The following MNAT1 variants were observed in gnomAD, a reference collection of about 807,000 sequenced individuals.
MNAT1 encodes the protein CDK-activating kinase assembly factor MAT1.
MNAT1 carries 43 observed loss-of-function variants against 42.0 expected under a neutral mutation model. The observed-to-expected ratio is 1.02, with a 90% CI of 0.80 to 1.32. The LOEUF (loss-of-function observed/expected upper bound fraction) is 1.32, where lower values mean the gene tolerates loss of function less well. MNAT1 is among the 40% of genes most tolerant of loss of function. The pLI is 0.00. For missense variants in MNAT1, 306 were observed against 350.4 expected, an observed-to-expected ratio of 0.87 and a Z score of 1.01; for synonymous variants, 118 against 120.0, an observed-to-expected ratio of 0.98 and a Z score of 0.11.
intron 1 of MNAT1, among the ~76,000 whole-genome samples, chr14:60,773,832 T>C (rs1387210589): frequency 6.6e-6 from 1 of 152,248 alleles, no homozygotes; most frequent in Admixed American, 6.5e-5. Context: ...ACAGTAATGC[T>C]TCTGTTGTCT....
intron 7 of MNAT1, among the ~76,000 whole-genome samples, chr14:60,956,088 A>G (rs2036483193): frequency 6.6e-6 from 1 of 152,038 alleles, no homozygotes; most frequent in South Asian, 2.1e-4. Flanking sequence ...AAAGTGTAAT[A>G]TCAGGTTATT....
chr14:60,832,971 C>G (rs1392366846), intron 6 of MNAT1, among the ~76,000 whole-genome samples: 1 of 152,054 alleles, frequency 6.6e-6, no homozygotes, highest in African/African-American at 2.4e-5. Context: ...TGATTTGGCT[C>G]TCTGCTTGTC....
intron 7 of MNAT1, among the ~76,000 whole-genome samples, chr14:60,966,144 T>C (rs1279500207): frequency 6.6e-6 from 1 of 152,138 alleles, no homozygotes; most frequent in Admixed American, 6.5e-5. Flanking sequence ...TTTTTTTTTT[T>C]TAAACAGGGT....
At chr14:60,830,308 C>T (rs529318328) in intron 6 of MNAT1, among the ~76,000 whole-genome samples, 1 of 152,288 alleles carries the variant, frequency 6.6e-6, no homozygotes, top group Non-Finnish European at 1.5e-5. Flanking sequence ...TCAAAACACA[C>T]ATTCATTCTT....
chr14:60,772,789 G>A (rs1188203888), intron 1 of MNAT1, among the ~76,000 whole-genome samples: 2 of 151,896 alleles, frequency 1.3e-5, no homozygotes, highest in East Asian at 1.9e-4. Context: ...TAGTGAAAGA[G>A]GAAGAGTTCC....
rs2034747218 is a variant in MNAT1, at chr14:60,888,616, G to A, written c.809+8781G>A. 1.3e-5 allele frequency among the ~76,000 whole-genome samples: 2 copies of A among 150,658 alleles called. 1 individual carries two copies. The highest frequency in any genetic ancestry group is 4.2e-4 in the South Asian group (2 of 4,732). ...TGGCCAGGGCAATCAGGCAGGAGAA[G>A]GAAATAAAGGGCATTCAATTAGGAA... On this transcript the variant is annotated intron_variant, in intron 7 of 7. Transcript: ENST00000261245.
At chr14:60,859,992 A>C (rs1164085394) in intron 6 of MNAT1, among the ~76,000 whole-genome samples, 1 of 152,224 alleles carries the variant, frequency 6.6e-6, no homozygotes, top group African/African-American at 2.4e-5. Context: ...CTTAACTTTA[A>C]GAAAGATCAA....
chr14:60,870,467 C>T (rs976567120), intron 6 of MNAT1, among the ~76,000 whole-genome samples: 10 of 151,944 alleles, frequency 6.6e-5, no homozygotes, highest in African/African-American at 1.2e-4. Flanking sequence ...AGTTTTGTGC[C>T]GTACTTTTCA....
At chr14:60,837,286 G>A (rs2033418957) in intron 6 of MNAT1, among the ~76,000 whole-genome samples, 1 of 152,178 alleles carries the variant, frequency 6.6e-6, no homozygotes, top group African/African-American at 2.4e-5. Context: ...AGAAACTGCA[G>A]CTAGCTCAGT....
chr14:60,931,367 C>G (rs984469546), intron 7 of MNAT1, among the ~76,000 whole-genome samples: 3 of 152,152 alleles, frequency 2.0e-5, no homozygotes, highest in African/African-American at 7.2e-5. Flanking sequence ...TGCTTTCTCA[C>G]TACTCACTTT....
At chr14:60,823,334 G>T (rs960535195) in intron 6 of MNAT1, among the ~76,000 whole-genome samples, 2 of 152,074 alleles carry the variant, frequency 1.3e-5, no homozygotes, top group South Asian at 2.1e-4. Flanking sequence ...TTGGGGAGGG[G>T]GAATGTGTTG....
intron 1 of MNAT1, among the ~76,000 whole-genome samples, chr14:60,767,573 GT>G (rs946710206): frequency 3.4e-5 from 5 of 148,660 alleles, no homozygotes; most frequent in East Asian, 3.9e-4. Context: ...GAACAGTTCA[GT>G]TTTTTTTTTA....
chr14:60,742,088 A>AT lies in MNAT1; in HGVS notation c.89+7146dup, dbSNP rs1011638569. ...AGCTTTTTATTTTTTATTTATTTTT[A>AT]TTTTTTTTTAAATAAGAGACAGGAT... On this transcript the variant is annotated intron_variant, in intron 1 of 7. Coordinates refer to ENST00000261245, the MANE Select transcript of MNAT1 (RefSeq NM_002431.4). Among the ~76,000 whole-genome samples the AT allele has an allele frequency of 2.7e-4, 40 of 149,240 alleles. No homozygotes were observed. In the East Asian group the frequency reaches 5.1e-3, roughly 19 times the overall value.
chr14:60,909,475 T>C (rs1169515833), intron 7 of MNAT1, among the ~76,000 whole-genome samples: 1 of 152,264 alleles, frequency 6.6e-6, no homozygotes, highest in Non-Finnish European at 1.5e-5. Flanking sequence ...TATAAGTCTT[T>C]AATCCATTTT....
chr14:60,893,867 G>A (rs891199001), intron 7 of MNAT1, among the ~76,000 whole-genome samples: 2 of 152,090 alleles, frequency 1.3e-5, no homozygotes, highest in Admixed American at 1.3e-4. Context: ...TGGGAAGAAG[G>A]TTTTTCTTGC....
At chr14:60,833,292 C>G (rs1453910113) in intron 6 of MNAT1, among the ~76,000 whole-genome samples, 2 of 152,122 alleles carry the variant, frequency 1.3e-5, no homozygotes, top group African/African-American at 4.8e-5. Flanking sequence ...TTTGCCCATT[C>G]CGTATGATAT....
intron 1 of MNAT1, among the ~76,000 whole-genome samples, chr14:60,756,996 T>G (rs2030383114): frequency 1.3e-5 from 2 of 152,188 alleles, no homozygotes; most frequent in Admixed American, 1.3e-4. Context: ...AGAACTTGAT[T>G]TTAAGATGTC....
At chr14:60,878,211 A>T (rs1594825592) in intron 6 of MNAT1, among the ~76,000 whole-genome samples, 1 of 152,144 alleles carries the variant, frequency 6.6e-6, no homozygotes. Context: ...AAAAAATATA[A>T]ACTTTAGTTC....
At chr14:60,913,917 C>A (rs1041765444) in intron 7 of MNAT1, among the ~76,000 whole-genome samples, 3 of 152,202 alleles carry the variant, frequency 2.0e-5, no homozygotes, top group African/African-American at 7.2e-5. Flanking sequence ...TGCCCTGCCC[C>A]CAGAGGTAGA....
Sources: allele counts gnomAD v4.1 joint callset (sites outside exome capture counted in the v4.1 genomes callset), GRCh38; gene constraint gnomAD v4.1.1; transcripts MANE v1.5; gene names NCBI Gene and HGNC (gene_info 2026-07-23, HGNC 2026-07-21).